The following SHANK2 variants were observed in gnomAD, a reference collection of about 807,000 sequenced individuals.
SHANK2 encodes SH3 and multiple ankyrin repeat domains protein 2.
Under a neutral mutation model 133.7 loss-of-function variants are expected in SHANK2, and 43 were observed. The ratio of observed to expected loss-of-function variants is 0.32; its 90% CI spans 0.25 to 0.41. The LOEUF (loss-of-function observed/expected upper bound fraction) is 0.41, where lower values mean the gene tolerates loss of function less well. SHANK2 is among the 10% of genes least tolerant of loss of function. SHANK2 has a pLI of 1.00. For missense variants in SHANK2, 1,994 were observed against 2,235.8 expected (o/e 0.89, Z 2.18); for synonymous variants, 1,017 against 952.8 (o/e 1.07, Z -1.24).
chr11:70,892,172 C>A (rs1949855439), intron 11 of SHANK2, among the ~76,000 whole-genome samples: 1 of 152,234 alleles, frequency 6.6e-6, no homozygotes, highest in Non-Finnish European at 1.5e-5. Flanking sequence ...CATTCTCAGA[C>A]AACTCTCTCC....
chr11:70,503,255 A>G (rs2059087028), intron 17 of SHANK2, among the ~76,000 whole-genome samples: 1 of 152,140 alleles, frequency 6.6e-6, no homozygotes. Context: ...TTAGGTGCTT[A>G]CTTTTACAGG....
chr11:71,094,705 C>T lies in SHANK2; in HGVS notation c.593-17G>A, dbSNP rs1314129851. 1 of 1,550,696 alleles carries T rather than the reference C, an allele frequency of 6.4e-7. No individual in the cohort carries two copies. On this transcript the variant is annotated splice_polypyrimidine_tract_variant and intron_variant, in intron 6 of 25. Coordinates refer to ENST00000601538, the MANE Select transcript of SHANK2 (RefSeq NM_012309.5). ...GGGGGGTCTCTGAGGAACCCAAACA[C>T]ACACACTTTAGAACCAACATTTGTC... is the stretch of plus-strand genomic sequence containing the variant.
intron 11 of SHANK2, chr11:70,873,053 G>A (rs1387104818): frequency 4.2e-6 from 2 of 471,274 alleles, no homozygotes; most frequent in African/African-American, 2.0e-5. Context: ...CCATCCTGGT[G>A]CCTCTGCCTC....
In SHANK2 at chr11:71,198,903, A is replaced by C. The variant is rs185963166; in HGVS notation, c.-13+25794T>G. 2.5e-3 allele frequency among the ~76,000 whole-genome samples: 376 copies of C among 152,218 alleles called. 1 individual carries two copies. The highest frequency in any genetic ancestry group is 8.6e-3 in the African/African-American group (358 of 41,542). Reference sequence around the variant, plus strand: ...GCAGTCTCCTTAGACTGCAGCTTTGAGAGTTGCCTGTGATGCTCGGCCCAG... The same window carrying C: ...GCAGTCTCCTTAGACTGCAGCTTTGCGAGTTGCCTGTGATGCTCGGCCCAG... On this transcript the variant is annotated intron_variant, in intron 2 of 25. Transcript: ENST00000601538.
At chr11:71,205,891 A>G (rs1954117490) in intron 2 of SHANK2, among the ~76,000 whole-genome samples, 1 of 152,058 alleles carries the variant, frequency 6.6e-6, no homozygotes, top group South Asian at 2.1e-4. Context: ...GGAGAAAGGA[A>G]AGGCCCCTCA....
intron 11 of SHANK2, among the ~76,000 whole-genome samples, chr11:70,841,707 G>A (rs945035657): frequency 2.2e-4 from 33 of 152,148 alleles, no homozygotes; most frequent in African/African-American, 6.0e-4. Flanking sequence ...CTGCAGAATC[G>A]GGGTGAGTCT....
At chr11:71,191,236 A>G (rs1953786128) in intron 2 of SHANK2, among the ~76,000 whole-genome samples, 1 of 152,158 alleles carries the variant, frequency 6.6e-6, no homozygotes, top group Non-Finnish European at 1.5e-5. Flanking sequence ...CATCCATGCT[A>G]TGTCTTTGTT....
chr11:71,098,610 C>A (rs1390829097), intron 6 of SHANK2, among the ~76,000 whole-genome samples: 1 of 152,160 alleles, frequency 6.6e-6, no homozygotes, highest in Non-Finnish European at 1.5e-5. Context: ...ACCTCAGTAG[C>A]TCCAGACATG....
intron 14 of SHANK2, among the ~76,000 whole-genome samples, chr11:70,784,742 T>C (rs1410484178): frequency 3.9e-5 from 6 of 152,022 alleles, no homozygotes; most frequent in African/African-American, 1.4e-4. Flanking sequence ...TCCAGGGAGA[T>C]GCTGGGTGGG....
intron 17 of SHANK2, among the ~76,000 whole-genome samples, chr11:70,612,893 C>T (rs1427285038): frequency 2.6e-5 from 4 of 152,212 alleles, no homozygotes; most frequent in Non-Finnish European, 4.4e-5. Flanking sequence ...GATTCACGCG[C>T]CTTGATGAAT....
At chr11:71,097,379 C>T (rs1419995981) in intron 6 of SHANK2, among the ~76,000 whole-genome samples, 4 of 152,180 alleles carry the variant, frequency 2.6e-5, no homozygotes, top group South Asian at 2.1e-4. Context: ...TGCACTATCA[C>T]TCCCCTGATG....
At chr11:71,159,295 T>A (rs1952964138) in intron 2 of SHANK2, among the ~76,000 whole-genome samples, 1 of 152,154 alleles carries the variant, frequency 6.6e-6, no homozygotes, top group Non-Finnish European at 1.5e-5. Context: ...AATTTCAAAG[T>A]GGGTCACTCC....
intron 15 of SHANK2, among the ~76,000 whole-genome samples, chr11:70,680,556 G>A (rs2134382164): frequency 1.3e-5 from 2 of 152,148 alleles, no homozygotes; most frequent in South Asian, 4.2e-4. Flanking sequence ...GATGGCACAG[G>A]GCCCACCTGC....
intron 17 of SHANK2, among the ~76,000 whole-genome samples, chr11:70,626,731 G>C (rs1195015029): frequency 6.6e-6 from 1 of 152,228 alleles, no homozygotes; most frequent in Non-Finnish European, 1.5e-5. Context: ...AATCCTTGTA[G>C]CAGCCCTGAA....
At position 71,188,492 on chromosome 11, in the gene SHANK2, T is replaced by C. The variant is rs1953720935; in HGVS notation, c.-13+36205A>G. Among the ~76,000 whole-genome samples the C allele has an allele frequency of 6.6e-6, 1 of 152,118 alleles. No individual in the cohort carries two copies. The highest frequency in any genetic ancestry group is 2.1e-4 in the South Asian group (1 of 4,832). On this transcript the variant is annotated intron_variant, in intron 2 of 25. Coordinates refer to ENST00000601538, the MANE Select transcript of SHANK2 (RefSeq NM_012309.5). This position sits in a 1 kb window ranked among gnomAD's most constrained non-coding sequence, Gnocchi z 4.6. ...TCGGCGCAAGGGAACAGGAAAACACTGCAAATATTTACAGTGGACGTACGA... is the reference window on the plus strand; with the variant it reads ...TCGGCGCAAGGGAACAGGAAAACACCGCAAATATTTACAGTGGACGTACGA...
At chr11:70,580,034 T>C (rs2060163545) in intron 17 of SHANK2, among the ~76,000 whole-genome samples, 1 of 152,204 alleles carries the variant, frequency 6.6e-6, no homozygotes. Context: ...GCATTGGACT[T>C]CTGGCTTTCA....
At chr11:70,943,078 T>A (rs1407702816) in intron 10 of SHANK2, 2 of 456,738 alleles carry the variant, frequency 4.4e-6, no homozygotes, top group Non-Finnish European at 8.8e-6. Context: ...GAGGAAGCAC[T>A]TCGGCTCTGA....
At position 71,210,839 on chromosome 11, in the gene SHANK2, G is replaced by A. The variant is rs544183373; in HGVS notation, c.-13+13858C>T. Among the ~76,000 whole-genome samples the A allele has an allele frequency of 2.6e-5, 4 of 152,294 alleles. No individual in the cohort carries two copies. In the South Asian group the frequency reaches 8.3e-4, roughly 32 times the overall value. On this transcript the variant is annotated intron_variant, in intron 2 of 25. Transcript: ENST00000601538. ...CCAAGAATGAGCCCGGAAGCCTCAG[G>A]ACTGAAGAGAAAAACATCTTGGGGG...
chr11:70,763,603 G>A (rs1443118523), intron 14 of SHANK2, among the ~76,000 whole-genome samples: 7 of 152,176 alleles, frequency 4.6e-5, no homozygotes, highest in African/African-American at 1.2e-4. Flanking sequence ...ATGTGCTTTC[G>A]GGCCAACAGC....
Sources: gnomAD v4.1 joint callset for allele counts (sites outside exome capture counted in the v4.1 genomes callset) on GRCh38, gnomAD v4.1.1 for gene constraint, Gnocchi (gnomAD v3.1) non-coding constraint, MANE v1.5 for transcripts, NCBI Gene and HGNC (gene_info 2026-07-23, HGNC 2026-07-21) for gene names.